SQOR: variants seen among roughly 807,000 people sequenced by gnomAD.
SQOR encodes the protein sulfide:quinone oxidoreductase, mitochondrial.
In SQOR, 39 loss-of-function variants were observed where a neutral mutation model predicts 48.6. The ratio of observed to expected loss-of-function variants is 0.80; its 90% CI spans 0.62 to 1.05. SQOR has a LOEUF of 1.05. SQOR is among the 50% of genes least tolerant of loss of function. The probability of loss-of-function intolerance (pLI) is 0.00; values close to 1 mark genes in which losing one functional copy is unlikely to be tolerated. For synonymous variants in SQOR, 220 were observed against 206.2 expected, an observed-to-expected ratio of 1.07 and a Z score of -0.57; for missense variants, 561 against 559.9, an observed-to-expected ratio of 1.00 and a Z score of -0.02.
At position 45,685,294 on chromosome 15, in the gene SQOR, T is replaced by TCCCA. The variant is rs544713057; in HGVS notation, c.1048+2634_1048+2637dup. Among the ~76,000 whole-genome samples the TCCCA allele has an allele frequency of 7.7e-3, 1,168 of 152,284 alleles. 20 individuals carry two copies. The highest frequency in any genetic ancestry group is 0.027 in the African/African-American group (1,124 of 41,542). Reference sequence around the variant, plus strand: ...TTCCCTTCCCCAAATCCTCTGAGTATCCCAAGGCAATGCTACACTTTTTCC... The same window carrying TCCCA: ...TTCCCTTCCCCAAATCCTCTGAGTATCCCACCCAAGGCAATGCTACACTTTTTCC... On this transcript the variant is annotated intron_variant, in intron 7 of 9. Transcript: ENST00000260324.
chr15:45,655,179 C>G (rs139057584), intron 1 of SQOR, among the ~76,000 whole-genome samples: 6 of 152,204 alleles, frequency 3.9e-5, no homozygotes, highest in Admixed American at 6.5e-5. Flanking sequence ...TCTTGTATCA[C>G]TTGGAGGCCA....
At chr15:45,650,559 G>C (rs982329542) in intron 1 of SQOR, among the ~76,000 whole-genome samples, 2 of 152,180 alleles carry the variant, frequency 1.3e-5, no homozygotes, top group Admixed American at 6.5e-5. Flanking sequence ...CAACACGAAA[G>C]AGGACCAGAA....
chr15:45,648,472 A>C (rs72715003), intron 1 of SQOR, among the ~76,000 whole-genome samples: 1 of 152,202 alleles, frequency 6.6e-6, no homozygotes, highest in African/African-American at 2.4e-5. Flanking sequence ...CACCACACCC[A>C]GCCAGAATAG....
chr15:45,650,687 AT>A (rs1342061225), intron 1 of SQOR, among the ~76,000 whole-genome samples: 1 of 152,160 alleles, frequency 6.6e-6, no homozygotes, highest in Non-Finnish European at 1.5e-5. Context: ...TAGAGAGCTG[AT>A]TGGTCCGTTT....
chr15:45,640,701 A>T (rs1055344089), intron 1 of SQOR, among the ~76,000 whole-genome samples: 1 of 152,130 alleles, frequency 6.6e-6, no homozygotes, highest in Non-Finnish European at 1.5e-5. Flanking sequence ...TGCATGTGAG[A>T]CTCTGAGTGG....
At chr15:45,677,916 C>T (rs920697484) in intron 6 of SQOR, among the ~76,000 whole-genome samples, 2 of 152,052 alleles carry the variant, frequency 1.3e-5, no homozygotes, top group Non-Finnish European at 2.9e-5. Context: ...CCATGTTGGC[C>T]AGGCTGGTCT....
chr15:45,676,409 G>T (rs1203385684), intron 6 of SQOR, 99 bp downstream of exon 6: 10 of 1,235,586 alleles, frequency 8.1e-6, no homozygotes, highest in Non-Finnish European at 1.2e-5. Flanking sequence ...ATCATTGTGT[G>T]CTGGGGAAGA....
chr15:45,677,180 TC>T (rs1890052441), intron 6 of SQOR, among the ~76,000 whole-genome samples: 3 of 114,942 alleles, frequency 2.6e-5, no homozygotes, highest in South Asian at 5.8e-4. Context: ...TTTGATTTCT[TC>T]CTTCCTTCCT....
At chr15:45,653,483 C>G (rs1889535568) in intron 1 of SQOR, among the ~76,000 whole-genome samples, 1 of 152,186 alleles carries the variant, frequency 6.6e-6, no homozygotes, top group Non-Finnish European at 1.5e-5. Flanking sequence ...TGGTGCAGAG[C>G]TTACAGGCCC....
rs145434774 is a variant in SQOR, at chr15:45,689,166, A to T, written c.1244A>T (p.Tyr415Phe). The change falls in exon 9 of 10, where the codon TAT becomes TTT. Residue 415 changes from tyrosine to phenylalanine, a missense_variant. Tyr to Phe is a conservative substitution (Grantham distance 22, BLOSUM62 3). Transcript: ENST00000260324. ...CAAAGCAAAGAGCGCCTTTCCATGT[A>T]TCTCATGAAAGCTGACCTGATGCCT... is the stretch of plus-strand genomic sequence containing the variant. Reference protein sequence around the residue: ...FDQSKERLSMYLMKADLMPFL... With the variant: ...FDQSKERLSMFLMKADLMPFL... 67 of 1,614,118 alleles carry T rather than the reference A, an allele frequency of 4.2e-5. No individual in the cohort carries two copies. The African/African-American group carries it at 7.9e-4, about 19-fold the overall frequency.
chr15:45,634,913 G>A (rs1228898293), upstream of SQOR: 1 of 152,422 alleles, frequency 6.6e-6, no homozygotes, highest in East Asian at 1.9e-4. Context: ...ACTGACCATG[G>A]TGCCTGGGCT....
chr15:45,685,748 C>G (rs1043647144), intron 7 of SQOR, among the ~76,000 whole-genome samples: 3 of 152,180 alleles, frequency 2.0e-5, no homozygotes, highest in African/African-American at 7.2e-5. Flanking sequence ...ATTCCAAACT[C>G]TTTATGGCCC....
chr15:45,639,343 T>C (rs1895066307), intron 1 of SQOR, among the ~76,000 whole-genome samples: 1 of 152,258 alleles, frequency 6.6e-6, no homozygotes, highest in Admixed American at 6.5e-5. Context: ...GTAAGTACTT[T>C]GTAAATGTAT....
intron 6 of SQOR, 110 bp from the exon 7 acceptor site, chr15:45,682,368 G>A: frequency 2.7e-6 from 3 of 1,127,048 alleles, no homozygotes; most frequent in Non-Finnish European, 3.8e-6. Context: ...ATTGTATAAT[G>A]CTCCATGCAG....
intron 7 of SQOR, among the ~76,000 whole-genome samples, chr15:45,687,860 A>G (rs1281100596): frequency 6.6e-6 from 1 of 152,172 alleles, no homozygotes; most frequent in Non-Finnish European, 1.5e-5. Context: ...ATCTATATCT[A>G]TATCTGTATC....
chr15:45,690,941 G>A (rs1890313257), intron 9 of SQOR, 32 bp from the exon 10 acceptor site: 2 of 1,608,068 alleles, frequency 1.2e-6, no homozygotes, highest in Non-Finnish European at 1.7e-6. Flanking sequence ...CTCTCTTGCT[G>A]CAGGTACATT....
chr15:45,672,587 A>C (rs1370019966), intron 4 of SQOR, among the ~76,000 whole-genome samples: 1 of 152,122 alleles, frequency 6.6e-6, no homozygotes, highest in East Asian at 1.9e-4. Flanking sequence ...GGAGGCTCTG[A>C]AGGACCAGGC....
chr15:45,655,141 C>G (rs1889572240), intron 1 of SQOR, among the ~76,000 whole-genome samples: 2 of 152,240 alleles, frequency 1.3e-5, no homozygotes, highest in Non-Finnish European at 2.9e-5. Context: ...CATACCCTCA[C>G]TATCTGCCTA....
chr15:45,643,477 G>A (rs1895141777), intron 1 of SQOR, among the ~76,000 whole-genome samples: 3 of 152,180 alleles, frequency 2.0e-5, no homozygotes, highest in South Asian at 4.1e-4. Context: ...TTACAGGCGT[G>A]AGCCACCATG....
Sources: allele counts gnomAD v4.1 joint callset (sites outside exome capture counted in the v4.1 genomes callset), GRCh38; gene constraint gnomAD v4.1.1; transcripts MANE v1.5; gene names NCBI Gene and HGNC (gene_info 2026-07-23, HGNC 2026-07-21).